The following TM9SF2 variants were observed in gnomAD, a reference collection of about 807,000 sequenced individuals.
TM9SF2 encodes the protein transmembrane 9 superfamily member 2.
Under a neutral mutation model 84.9 loss-of-function variants are expected in TM9SF2, and 13 were observed. That is an observed-to-expected ratio of 0.15 (90% CI 0.10 to 0.24). The LOEUF (loss-of-function observed/expected upper bound fraction) is 0.24. Among genes scored for constraint, TM9SF2 ranks in the 10% least tolerant of loss-of-function variants. TM9SF2 has a pLI of 1.00. For missense variants in TM9SF2, 562 were observed against 818.5 expected (o/e 0.69, Z 3.82); for synonymous variants, 273 against 285.8 (o/e 0.96, Z 0.45).
chr13:99,517,318 G>T (rs2046139072), intron 1 of TM9SF2, among the ~76,000 whole-genome samples: 1 of 152,050 alleles, frequency 6.6e-6, no homozygotes, highest in Non-Finnish European at 1.5e-5. Flanking sequence ...TAGGAACGGG[G>T]TCTCGCTGTA....
intron 1 of TM9SF2, among the ~76,000 whole-genome samples, chr13:99,502,348 A>G (rs1184489205): frequency 6.6e-6 from 1 of 152,174 alleles, no homozygotes; most frequent in Non-Finnish European, 1.5e-5. Context: ...TTGGTTCCTT[A>G]TTTGTGGAGT....
intron 1 of TM9SF2, among the ~76,000 whole-genome samples, chr13:99,514,687 G>C (rs1428159431): frequency 6.6e-6 from 1 of 152,206 alleles, no homozygotes; most frequent in Non-Finnish European, 1.5e-5. Context: ...CACAGAGGCC[G>C]TTAGCCTCCT....
chr13:99,529,398 A>G (rs1261582748), intron 3 of TM9SF2, 69 bp from the exon 4 acceptor site: 2 of 1,396,708 alleles, frequency 1.4e-6, no homozygotes, highest in East Asian at 2.6e-5. Context: ...CTTTTACTCT[A>G]TTTGTGATAT....
chr13:99,558,212 T>G (rs2046331903), intron 15 of TM9SF2, among the ~76,000 whole-genome samples: 1 of 152,250 alleles, frequency 6.6e-6, no homozygotes, highest in African/African-American at 2.4e-5. Context: ...CACACTATTT[T>G]GATTACTGTG....
In TM9SF2 at chr13:99,546,978, G is replaced by A. The variant is rs779391916; in HGVS notation, c.1151-7G>A. On this transcript the variant is annotated splice_polypyrimidine_tract_variant and splice_region_variant and intron_variant, in intron 10 of 16. Coordinates refer to ENST00000376387, the MANE Select transcript of TM9SF2 (RefSeq NM_004800.3). Reference sequence around the variant, plus strand: ...ACATGTACAGCCTTTCACGATTTGTGTTTTAGTTTTCGCTTGCCTGGGATT... The same window carrying A: ...ACATGTACAGCCTTTCACGATTTGTATTTTAGTTTTCGCTTGCCTGGGATT... 41 of 1,614,142 alleles carry A rather than the reference G, an allele frequency of 2.5e-5. No individual in the cohort carries two copies. In the East Asian group the frequency reaches 8.9e-4, roughly 35 times the overall value.
intron 12 of TM9SF2, among the ~76,000 whole-genome samples, chr13:99,551,294 G>T (rs1373999556): frequency 6.6e-6 from 1 of 152,216 alleles, no homozygotes; most frequent in Non-Finnish European, 1.5e-5. Context: ...AAGTCCAGGG[G>T]CTGCTGGGAT....
chr13:99,554,698 C>T (rs764965950), intron 14 of TM9SF2, among the ~76,000 whole-genome samples: 2 of 152,150 alleles, frequency 1.3e-5, no homozygotes, highest in African/African-American at 2.4e-5. Context: ...ATTCTTACTA[C>T]TTCATTCTCT....
At chr13:99,533,106 A>G (rs879437499) in intron 4 of TM9SF2, among the ~76,000 whole-genome samples, 19 of 152,222 alleles carry the variant, frequency 1.2e-4, no homozygotes, top group Non-Finnish European at 2.4e-4. Context: ...ATAAAATACC[A>G]TGTACCCATG....
At chr13:99,537,652 T>TA in intron 5 of TM9SF2, 87 bp from the exon 6 acceptor site, 1 of 1,065,766 alleles carries the variant, frequency 9.4e-7, no homozygotes, top group Non-Finnish European at 1.3e-6. Flanking sequence ...TAAATTTTCT[T>TA]ACTTGTTGTA....
intron 3 of TM9SF2, among the ~76,000 whole-genome samples, chr13:99,525,631 C>T (rs2139084369): frequency 6.7e-6 from 1 of 149,530 alleles, no homozygotes; most frequent in Middle Eastern, 3.5e-3. Context: ...TCTCGGCTTA[C>T]TGCAAGCTCC....
intron 16 of TM9SF2, among the ~76,000 whole-genome samples, chr13:99,562,001 C>G (rs1176985621): frequency 2.6e-5 from 4 of 152,170 alleles, no homozygotes; most frequent in Non-Finnish European, 5.9e-5. Flanking sequence ...CATGAATTAT[C>G]TCATTTACTC....
At chr13:99,540,614 G>T in intron 7 of TM9SF2, 100 bp from the exon 8 acceptor site, 1 of 801,470 alleles carries the variant, frequency 1.2e-6, no homozygotes, top group Non-Finnish European at 1.9e-6. Flanking sequence ...AATTGCAGTT[G>T]TTGACTCAAT....
chr13:99,520,158 T>C, intron 3 of TM9SF2, 29 bp downstream of exon 3: 1 of 1,559,322 alleles, frequency 6.4e-7, no homozygotes, highest in Non-Finnish European at 8.7e-7. Context: ...ATAATAATTA[T>C]TTACTTACAG....
At chr13:99,528,243 T>G (rs953755941) in intron 3 of TM9SF2, among the ~76,000 whole-genome samples, 4 of 152,252 alleles carry the variant, frequency 2.6e-5, no homozygotes. Flanking sequence ...GGTGTTGTGC[T>G]GAAGAGCATG....
In TM9SF2 at chr13:99,559,386, A is replaced by G. The variant is rs911229829; in HGVS notation, c.1776A>G (p.Ser592=). ...CAEDYHWQWR[S]FLTSGFTAVY... is the part of the protein sequence containing the mutation. ...AGGATTATCATTGGCAATGGCGTTC[A>G]TTCCTTACGAGTGGCTTTACTGCAG... Residue 592 remains serine, a synonymous_variant, in exon 16 of 17, where the codon TCA becomes TCG. Transcript: ENST00000376387. The G allele has an allele frequency of 5.6e-6, 9 of 1,596,624 alleles. No individual in the cohort carries two copies. Among genetic ancestry groups the G allele is most frequent in the Non-Finnish European group, 6.8e-6 (8 of 1,174,154 alleles).
chr13:99,502,550 A>G (rs2046071194), intron 1 of TM9SF2, among the ~76,000 whole-genome samples: 1 of 152,228 alleles, frequency 6.6e-6, no homozygotes, highest in Non-Finnish European at 1.5e-5. Context: ...TTCCTAGGGC[A>G]AGTCTTGAAA....
At chr13:99,540,640 G>T in intron 7 of TM9SF2, 74 bp from the exon 8 acceptor site, 1 of 1,253,532 alleles carries the variant, frequency 8.0e-7, no homozygotes, top group South Asian at 1.3e-5. Context: ...GACAAGCTTT[G>T]AATGGGATTT....
intron 9 of TM9SF2, among the ~76,000 whole-genome samples, chr13:99,543,263 C>T (rs554012917): frequency 5.3e-5 from 8 of 152,268 alleles, no homozygotes; most frequent in East Asian, 1.9e-4. Flanking sequence ...TTCTGTACAG[C>T]GCTTATTACC....
At chr13:99,530,478 G>A (rs919052159) in intron 4 of TM9SF2, among the ~76,000 whole-genome samples, 30 of 152,170 alleles carry the variant, frequency 2.0e-4, no homozygotes, top group African/African-American at 7.0e-4. Context: ...ACGCAAGGAT[G>A]CCACAAACCT....
Sources: gnomAD v4.1 joint callset for allele counts (sites outside exome capture counted in the v4.1 genomes callset) on GRCh38, gnomAD v4.1.1 for gene constraint, MANE v1.5 for transcripts, NCBI Gene and HGNC (gene_info 2026-07-23, HGNC 2026-07-21) for gene names.